Variants in GRM7 observed in about 807,000 individuals in gnomAD.
The protein encoded by GRM7 is glutamate metabotropic receptor 7.
A neutral mutation model predicts 84.5 loss-of-function variants in GRM7; 35 were observed. The ratio of observed to expected loss-of-function variants is 0.41; its 90% CI spans 0.32 to 0.55. The LOEUF (loss-of-function observed/expected upper bound fraction) is 0.55, where lower values mean the gene tolerates loss of function less well. GRM7 is among the 20% of genes least tolerant of loss of function. GRM7 has a pLI of 0.19. For missense variants in GRM7, 1,003 were observed against 1,194.6 expected (o/e 0.84, Z 2.36); for synonymous variants, 487 against 455.1 (o/e 1.07, Z -0.89).
intron 2 of GRM7, among the ~76,000 whole-genome samples, chr3:7,273,925 C>G (rs969444721): frequency 6.6e-6 from 1 of 151,710 alleles, no homozygotes; most frequent in Non-Finnish European, 1.5e-5. Context: ...ATTTGTTGCC[C>G]TTGTTTTTTA....
intron 9 of GRM7, among the ~76,000 whole-genome samples, chr3:7,737,542 A>C (rs1702546583): frequency 6.6e-6 from 1 of 152,204 alleles, no homozygotes; most frequent in South Asian, 2.1e-4. Flanking sequence ...TGGAATTATC[A>C]GACACCACAG....
intron 5 of GRM7, among the ~76,000 whole-genome samples, chr3:7,427,687 C>T (rs1696666096): frequency 6.6e-6 from 1 of 152,176 alleles, no homozygotes; most frequent in South Asian, 2.1e-4. Flanking sequence ...AAAAGTCCCA[C>T]TTTTATCCAC....
At chr3:7,192,408 T>C (rs1169098532) in intron 2 of GRM7, among the ~76,000 whole-genome samples, 1 of 152,144 alleles carries the variant, frequency 6.6e-6, no homozygotes, top group African/African-American at 2.4e-5. Context: ...ATTTTATCCC[T>C]GAACCAACTT....
intron 7 of GRM7, among the ~76,000 whole-genome samples, chr3:7,559,547 G>T (rs1300574400): frequency 6.6e-6 from 1 of 152,000 alleles, no homozygotes; most frequent in African/African-American, 2.4e-5. Flanking sequence ...GAGAATCTTG[G>T]TATGGATGTG....
intron 9 of GRM7, among the ~76,000 whole-genome samples, chr3:7,735,366 C>A: frequency 1.2e-5 from 1 of 83,258 alleles, no homozygotes; most frequent in African/African-American, 9.1e-5. Context: ...TTACATAATG[C>A]AAAATGATCC....
intron 2 of GRM7, among the ~76,000 whole-genome samples, chr3:7,165,382 A>C (rs575099345): frequency 2.9e-4 from 44 of 152,260 alleles, no homozygotes; most frequent in Non-Finnish European, 5.1e-4. Flanking sequence ...AAATTAAACT[A>C]TCAGAGTAAT....
At chr3:7,272,039 A>G (rs1368103416) in intron 2 of GRM7, among the ~76,000 whole-genome samples, 1 of 152,180 alleles carries the variant, frequency 6.6e-6, no homozygotes, top group Admixed American at 6.5e-5. Context: ...CACATATTTT[A>G]TTGAAAAAAA....
At chr3:7,683,839 G>A (rs1336405864) in intron 9 of GRM7, among the ~76,000 whole-genome samples, 1 of 152,214 alleles carries the variant, frequency 6.6e-6, no homozygotes, top group Admixed American at 6.5e-5. Flanking sequence ...TGTAGCTCTA[G>A]AAATTGACAA....
At chr3:7,440,779 A>G (rs971843086) in intron 5 of GRM7, among the ~76,000 whole-genome samples, 1 of 152,128 alleles carries the variant, frequency 6.6e-6, no homozygotes, top group Non-Finnish European at 1.5e-5. Context: ...GTGTGCTTAG[A>G]ATAGTGGCCT....
chr3:7,169,925 T>C (rs1225454005), intron 2 of GRM7, among the ~76,000 whole-genome samples: 1 of 152,172 alleles, frequency 6.6e-6, no homozygotes, highest in Non-Finnish European at 1.5e-5. Context: ...GAGGTATATA[T>C]AGGACAATGG....
chr3:7,056,787 A>G (rs980137954), intron 1 of GRM7, among the ~76,000 whole-genome samples: 15 of 151,990 alleles, frequency 9.9e-5, no homozygotes, highest in Non-Finnish European at 1.6e-4. Flanking sequence ...TAACAGAGAG[A>G]AAAACCTTGT....
In GRM7 at chr3:7,334,514, C is replaced by T. The variant is rs371738687; in HGVS notation, c.1033+27862C>T. ...AGAAAAACAAAAACAAAAACAAAAA[C>T]ACAACATACATAGGCAACAACTAGC... On this transcript the variant is annotated intron_variant, in intron 4 of 9. Transcript: ENST00000357716. 1.8e-3 allele frequency among the ~76,000 whole-genome samples: 261 copies of T among 149,112 alleles called. 1 individual carries two copies. The highest frequency in any genetic ancestry group is 6.2e-3 in the African/African-American group (251 of 40,458).
At chr3:7,504,894 C>T (rs1221096048) in intron 7 of GRM7, among the ~76,000 whole-genome samples, 4 of 152,134 alleles carry the variant, frequency 2.6e-5, no homozygotes, top group African/African-American at 9.7e-5. Flanking sequence ...TTAACCATTC[C>T]AGTATCAACT....
At chr3:6,953,054 T>A (rs1692856695) in intron 1 of GRM7, among the ~76,000 whole-genome samples, 1 of 152,232 alleles carries the variant, frequency 6.6e-6, no homozygotes, top group African/African-American at 2.4e-5. Flanking sequence ...CAGTTCTCTA[T>A]ATTTTAGTGA....
chr3:7,620,685 T>C (rs1340262594), intron 8 of GRM7, among the ~76,000 whole-genome samples: 1 of 152,182 alleles, frequency 6.6e-6, no homozygotes, highest in Non-Finnish European at 1.5e-5. Flanking sequence ...AGATGTGGCA[T>C]GTGTTACTTT....
intron 1 of GRM7, among the ~76,000 whole-genome samples, 193 bp from the exon 2 acceptor site, chr3:7,146,259 A>G (rs1694107085): frequency 6.6e-6 from 1 of 152,200 alleles, no homozygotes; most frequent in African/African-American, 2.4e-5. Flanking sequence ...CAAGACGCTG[A>G]AGTCAATACT....
chr3:7,330,366 G>A (rs1337400611), intron 4 of GRM7, among the ~76,000 whole-genome samples: 1 of 152,144 alleles, frequency 6.6e-6, no homozygotes, highest in East Asian at 1.9e-4. Flanking sequence ...GGGACTGCAA[G>A]CTGACCTCCA....
At chr3:7,184,857 A>G (rs1695493091) in intron 2 of GRM7, among the ~76,000 whole-genome samples, 2 of 152,092 alleles carry the variant, frequency 1.3e-5, no homozygotes, top group Non-Finnish European at 2.9e-5. Context: ...CGTGTTTATA[A>G]TGATTGTTGT....
intron 1 of GRM7, among the ~76,000 whole-genome samples, chr3:7,005,527 A>T (rs1290811164): frequency 1.3e-5 from 2 of 152,212 alleles, no homozygotes; most frequent in African/African-American, 2.4e-5. Flanking sequence ...ATGTTAATTT[A>T]GGTATTTGCA....
Sources: allele counts gnomAD v4.1 joint callset (sites outside exome capture counted in the v4.1 genomes callset), GRCh38; gene constraint gnomAD v4.1.1; transcripts MANE v1.5; gene names NCBI Gene and HGNC (gene_info 2026-07-23, HGNC 2026-07-21).